Variants in PLEKHM3 observed in about 807,000 individuals in gnomAD.
PLEKHM3 encodes the protein pleckstrin homology domain-containing family M member 3.
A neutral mutation model predicts 81.8 loss-of-function variants in PLEKHM3; 45 were observed. That is an observed-to-expected ratio of 0.55 (90% CI 0.43 to 0.71). The LOEUF is 0.71. Among genes scored for constraint, PLEKHM3 ranks in the 30% least tolerant of loss-of-function variants. The pLI is 0.00. For synonymous variants in PLEKHM3, 352 were observed against 356.4 expected, an observed-to-expected ratio of 0.99 and a Z score of 0.14; for missense variants, 788 against 924.3, an observed-to-expected ratio of 0.85 and a Z score of 1.91.
intron 2 of PLEKHM3, among the ~76,000 whole-genome samples, chr2:207,979,890 G>A (rs186433673): frequency 3.9e-5 from 6 of 152,278 alleles, no homozygotes; most frequent in African/African-American, 9.6e-5. Flanking sequence ...TATTTCTGTG[G>A]TAACTCAAAA....
At chr2:207,926,748 T>A (rs1440508960) in intron 5 of PLEKHM3, among the ~76,000 whole-genome samples, 4 of 152,152 alleles carry the variant, frequency 2.6e-5, no homozygotes, top group African/African-American at 7.2e-5. Context: ...AGTCAAGATG[T>A]GCAGTGTGGG....
intron 7 of PLEKHM3, among the ~76,000 whole-genome samples, chr2:207,842,663 G>C (rs2092361045): frequency 6.6e-6 from 1 of 152,140 alleles, no homozygotes; most frequent in Non-Finnish European, 1.5e-5. Context: ...ACATTCGTTG[G>C]AACTTCTGTT....
intron 6 of PLEKHM3, chr2:207,900,989 G>A (rs956508883): frequency 5.3e-5 from 23 of 433,466 alleles, no homozygotes; most frequent in Non-Finnish European, 7.8e-5. Flanking sequence ...GCATGCCAAG[G>A]GACTCCCAGG....
At chr2:207,944,042 A>C (rs150378201) in intron 4 of PLEKHM3, among the ~76,000 whole-genome samples, 1 of 152,342 alleles carries the variant, frequency 6.6e-6, no homozygotes, top group African/African-American at 2.4e-5. Context: ...AATTATCAGC[A>C]TAAGAATCCT....
At chr2:207,861,036 C>T in intron 7 of PLEKHM3, 69 bp downstream of exon 7, 9 of 1,547,710 alleles carry the variant, frequency 5.8e-6, no homozygotes, top group Non-Finnish European at 5.3e-6. Context: ...AAAAGTTGGC[C>T]TGATTTGGCC....
chr2:207,991,756 GAGAGA>G (rs1691907570), intron 2 of PLEKHM3, among the ~76,000 whole-genome samples: 1 of 152,100 alleles, frequency 6.6e-6, no homozygotes, highest in African/African-American at 2.4e-5. Flanking sequence ...CCAATGATGG[GAGAGA>G]AGAGAAATCA....
chr2:207,935,023 G>A (rs2105947666), intron 4 of PLEKHM3, among the ~76,000 whole-genome samples: 1 of 152,316 alleles, frequency 6.6e-6, no homozygotes, highest in African/African-American at 2.4e-5. Context: ...TGGTGGTAGT[G>A]TGGACTTTGT....
chr2:207,943,035 A>C (rs767788216), intron 4 of PLEKHM3, among the ~76,000 whole-genome samples: 3 of 152,220 alleles, frequency 2.0e-5, no homozygotes, highest in Non-Finnish European at 4.4e-5. Context: ...GGCTAAGAAA[A>C]GTAGGGGGAA....
chr2:207,948,631 C>T (rs1168284723), intron 3 of PLEKHM3, among the ~76,000 whole-genome samples: 2 of 151,470 alleles, frequency 1.3e-5, no homozygotes, highest in Non-Finnish European at 2.9e-5. Context: ...GCAACCTCCG[C>T]GTCCCGCGCT....
At chr2:207,925,657 C>G (rs965495477) in intron 5 of PLEKHM3, among the ~76,000 whole-genome samples, 1 of 152,044 alleles carries the variant, frequency 6.6e-6, no homozygotes, top group East Asian at 1.9e-4. Flanking sequence ...TCACTTTTTT[C>G]TTTTTTCTCA....
At chr2:207,858,544 T>G (rs968909684) in intron 7 of PLEKHM3, among the ~76,000 whole-genome samples, 1 of 151,802 alleles carries the variant, frequency 6.6e-6, no homozygotes, top group Non-Finnish European at 1.5e-5. Flanking sequence ...GTGAGTGGCA[T>G]GATCTCTGCT....
chr2:208,004,480 C>CCA (rs1256062112), intron 1 of PLEKHM3, among the ~76,000 whole-genome samples: 2 of 152,038 alleles, frequency 1.3e-5, no homozygotes, highest in African/African-American at 2.4e-5. Flanking sequence ...TACTTCTAAC[C>CCA]CACATGGTCT....
chr2:207,966,763 C>G (rs1342832378), intron 3 of PLEKHM3, among the ~76,000 whole-genome samples: 2 of 151,994 alleles, frequency 1.3e-5, no homozygotes, highest in East Asian at 3.9e-4. Flanking sequence ...CCATGTTGGC[C>G]GGGCTGGTCT....
At chr2:207,908,964 AATGTG>A (rs1239169574) in intron 5 of PLEKHM3, among the ~76,000 whole-genome samples, 3 of 152,168 alleles carry the variant, frequency 2.0e-5, no homozygotes. Context: ...AGGGTGGTTT[AATGTG>A]ATGTCTCCAA....
In PLEKHM3 at chr2:208,001,227, T is replaced by TC; in HGVS notation, c.412dup (p.Asp138GlyfsTer2). On this transcript the variant is annotated frameshift_variant, in exon 2 of 8. Transcript: ENST00000427836. LOFTEE classifies it high-confidence loss of function. ...CCCTGGCTTGAAAGTTGAGGTCTCA[T>TC]CCAGTAAGTCATTTACAGAACGAGG... The TC allele has an allele frequency of 6.2e-7, 1 of 1,614,170 alleles. No individual in the cohort carries two copies. Among genetic ancestry groups the TC allele is most frequent in the Non-Finnish European group, 8.5e-7 (1 of 1,180,026 alleles).
intron 3 of PLEKHM3, among the ~76,000 whole-genome samples, chr2:207,970,450 T>C (rs540457800): frequency 1.4e-4 from 22 of 151,926 alleles, no homozygotes; most frequent in Non-Finnish European, 2.5e-4. Flanking sequence ...GACAGCCCTG[T>C]TGTATTACTA....
At chr2:207,832,061 T>G (rs979603185) in intron 7 of PLEKHM3, among the ~76,000 whole-genome samples, 2 of 152,140 alleles carry the variant, frequency 1.3e-5, no homozygotes, top group South Asian at 2.1e-4. Flanking sequence ...AGAGATTGGG[T>G]CTTATCGGAT....
At chr2:207,852,187 T>C (rs2092416504) in intron 7 of PLEKHM3, among the ~76,000 whole-genome samples, 1 of 152,182 alleles carries the variant, frequency 6.6e-6, no homozygotes, top group Non-Finnish European at 1.5e-5. Context: ...GGTGCAGAAG[T>C]AGCAGTAAGA....
intron 7 of PLEKHM3, among the ~76,000 whole-genome samples, chr2:207,841,080 A>G (rs1030198183): frequency 3.3e-5 from 5 of 151,858 alleles, no homozygotes; most frequent in African/African-American, 9.7e-5. Flanking sequence ...TGGCTTCCCA[A>G]AGTGCTGGGA....
Sources: allele counts gnomAD v4.1 joint callset (sites outside exome capture counted in the v4.1 genomes callset), GRCh38; gene constraint gnomAD v4.1.1; transcripts MANE v1.5; gene names NCBI Gene and HGNC (gene_info 2026-07-23, HGNC 2026-07-21).